SLC41A3: variants seen among roughly 807,000 people sequenced by gnomAD.
The protein encoded by SLC41A3 is solute carrier family 41 member 3.
Under a neutral mutation model 45.4 loss-of-function variants are expected in SLC41A3, and 44 were observed. The ratio of observed to expected loss-of-function variants is 0.97; its 90% CI spans 0.76 to 1.25. The LOEUF (loss-of-function observed/expected upper bound fraction) is 1.25. SLC41A3 is among the 50% of genes most tolerant of loss of function. SLC41A3 has a pLI of 0.00. For synonymous variants in SLC41A3, 256 were observed against 252.4 expected (o/e 1.01, Z -0.13); for missense variants, 550 against 600.6 (o/e 0.92, Z 0.88).
At chr3:126,008,692 T>G in intron 10 of SLC41A3, 40 bp downstream of exon 10, 1 of 1,604,122 alleles carries the variant, frequency 6.2e-7, no homozygotes, top group Non-Finnish European at 8.5e-7. Flanking sequence ...GCTGGCTGAC[T>G]ACACAGCTGC....
intron 4 of SLC41A3, among the ~76,000 whole-genome samples, chr3:126,030,016 G>A (rs1247596491): frequency 1.4e-5 from 2 of 146,128 alleles, no homozygotes; most frequent in African/African-American, 2.5e-5. Context: ...GGAAAAATAT[G>A]GGTCCCTACT....
At chr3:126,030,654 G>A (rs1250401900) in intron 4 of SLC41A3, among the ~76,000 whole-genome samples, 2 of 152,156 alleles carry the variant, frequency 1.3e-5, no homozygotes, top group East Asian at 3.8e-4. Context: ...TAGGTAGGTG[G>A]GTGAATGGGT....
chr3:126,035,649 A>C (rs1032562803), intron 3 of SLC41A3, among the ~76,000 whole-genome samples: 1 of 152,204 alleles, frequency 6.6e-6, no homozygotes, highest in African/African-American at 2.4e-5. Context: ...TCAAGGATGG[A>C]GGGAGCACTA....
chr3:126,034,601 C>A (rs1446956143), intron 3 of SLC41A3, among the ~76,000 whole-genome samples: 2 of 152,224 alleles, frequency 1.3e-5, no homozygotes, highest in Non-Finnish European at 2.9e-5. Flanking sequence ...GCAGGTGTCC[C>A]TGTTTGAACA....
chr3:126,074,659 T>G (rs1287055642), intron 1 of SLC41A3, among the ~76,000 whole-genome samples: 3 of 151,792 alleles, frequency 2.0e-5, no homozygotes, highest in Admixed American at 1.3e-4. Context: ...GTTGTTTGGG[T>G]TTTTGGGTTG....
chr3:126,038,728 G>C (rs1942377146), intron 3 of SLC41A3, among the ~76,000 whole-genome samples: 1 of 152,180 alleles, frequency 6.6e-6, no homozygotes, highest in African/African-American at 2.4e-5. Context: ...TAAGACTTTT[G>C]GGGACTACTG....
intron 1 of SLC41A3, among the ~76,000 whole-genome samples, chr3:126,068,562 A>T (rs1038147310): frequency 2.0e-5 from 3 of 152,192 alleles, no homozygotes; most frequent in African/African-American, 7.2e-5. Context: ...TGTCAAAATC[A>T]TCTTTTTCAG....
At chr3:126,092,322 G>A (rs1296040631) in intron 1 of SLC41A3, among the ~76,000 whole-genome samples, 1 of 152,198 alleles carries the variant, frequency 6.6e-6, no homozygotes, top group African/African-American at 2.4e-5. Flanking sequence ...GTGCCTTAAG[G>A]GCATGTTCCT....
chr3:126,051,332 T>C (rs1943322222), intron 2 of SLC41A3, among the ~76,000 whole-genome samples: 1 of 152,236 alleles, frequency 6.6e-6, no homozygotes. Context: ...CTCTGCACCA[T>C]GGGTTCTCTA....
At chr3:126,068,753 A>C (rs1413869258) in intron 1 of SLC41A3, among the ~76,000 whole-genome samples, 1 of 152,164 alleles carries the variant, frequency 6.6e-6, no homozygotes, top group African/African-American at 2.4e-5. Context: ...CTGCAACTGC[A>C]GTGAGAGCCA....
intron 10 of SLC41A3, among the ~76,000 whole-genome samples, chr3:126,008,527 GGA>G (rs1939368717): frequency 6.6e-6 from 1 of 151,998 alleles, no homozygotes. Context: ...TGTGTGGTGT[GGA>G]GTGTGTGGCA....
At chr3:126,064,533 T>C (rs1008479282) in intron 2 of SLC41A3, among the ~76,000 whole-genome samples, 1 of 152,068 alleles carries the variant, frequency 6.6e-6, no homozygotes, top group African/African-American at 2.4e-5. Context: ...AGGTGTTGAG[T>C]GTCCACCATC....
chr3:126,074,685 T>A (rs1298322572), intron 1 of SLC41A3, among the ~76,000 whole-genome samples: 2 of 151,884 alleles, frequency 1.3e-5, no homozygotes, highest in Non-Finnish European at 2.9e-5. Context: ...TTGTTGTTTT[T>A]TTTTTGTTGT....
intron 2 of SLC41A3, among the ~76,000 whole-genome samples, chr3:126,058,404 A>G (rs1241490238): frequency 6.6e-6 from 1 of 152,146 alleles, no homozygotes; most frequent in Non-Finnish European, 1.5e-5. Context: ...ATGAGCATGT[A>G]TCTCACTCCA....
upstream of SLC41A3, among the ~76,000 whole-genome samples, chr3:126,087,801 A>AAG (rs141254258): frequency 0.61 from 93,139 of 151,714 alleles, 29,047 homozygotes; most frequent in African/African-American, 0.72. Flanking sequence ...GTTTAAAAAA[A>AAG]AAAAGATTGT....
chr3:126,012,161 C>A (rs1192243100), intron 9 of SLC41A3, among the ~76,000 whole-genome samples: 1 of 152,200 alleles, frequency 6.6e-6, no homozygotes, highest in African/African-American at 2.4e-5. Context: ...CACCCACTGC[C>A]CTGAAAGCCC....
chr3:126,049,708 T>A (rs1012249151), intron 3 of SLC41A3, among the ~76,000 whole-genome samples: 1 of 152,220 alleles, frequency 6.6e-6, no homozygotes, highest in African/African-American at 2.4e-5. Context: ...TCTGGCCCCA[T>A]GTGTTAGTTT....
chr3:126,054,727 G>A (rs1033411942), intron 2 of SLC41A3, among the ~76,000 whole-genome samples: 12 of 151,870 alleles, frequency 7.9e-5, no homozygotes, highest in African/African-American at 2.4e-4. Flanking sequence ...AAGAATGACT[G>A]CTCCCTCTTC....
chr3:126,039,292 C>T (rs1434950696), intron 3 of SLC41A3, among the ~76,000 whole-genome samples: 1 of 152,230 alleles, frequency 6.6e-6, no homozygotes, highest in Non-Finnish European at 1.5e-5. Flanking sequence ...AGTTTTCTCA[C>T]TAATGTCCTT....
Sources: allele counts gnomAD v4.1 joint callset (sites outside exome capture counted in the v4.1 genomes callset), GRCh38; gene constraint gnomAD v4.1.1; transcripts MANE v1.5; gene names NCBI Gene and HGNC (gene_info 2026-07-23, HGNC 2026-07-21).